The following GZMA variants were observed in gnomAD, a reference collection of about 807,000 sequenced individuals.
The protein encoded by GZMA is CTL tryptase.
A neutral mutation model predicts 21.1 loss-of-function variants in GZMA; 17 were observed. That is an observed-to-expected ratio of 0.81 (90% confidence interval 0.55 to 1.21). The LOEUF (loss-of-function observed/expected upper bound fraction) is 1.21. Among genes scored for constraint, GZMA ranks in the 50% most tolerant of loss-of-function variants. The pLI, the probability that GZMA is intolerant of heterozygous loss-of-function variation, is 0.00. For synonymous variants in GZMA, 90 were observed against 107.8 expected, an observed-to-expected ratio of 0.83 and a Z score of 1.03; for missense variants, 306 against 315.9, an observed-to-expected ratio of 0.97 and a Z score of 0.24.
In GZMA at chr5:55,108,154, T is replaced by C; in HGVS notation, c.387T>C (p.Tyr129=). The change falls in exon 4 of 5, where the codon TAT becomes TAC. Residue 129 remains tyrosine (Y), a synonymous_variant. Transcript: ENST00000274306. ...TGGAAAAAGCAAAAATTAACAAATA[T>C]GTGACTATCCTTCATCTACCTAAAA... ...QLMEKAKINK[Y]VTILHLPKKG... is the part of the protein sequence containing the mutation. 1.2e-6 allele frequency: 2 copies of C among 1,607,394 alleles called. No individual in the cohort carries two copies. Among genetic ancestry groups the C allele is most frequent in the African/African-American group, 1.3e-5 (1 of 74,894 alleles).
Position 55,102,708 on chromosome 5 carries a change from C to A in GZMA, c.26C>A (p.Ala9Glu). 1 of 1,609,432 alleles carries A rather than the reference C, an allele frequency of 6.2e-7. No individual in the cohort carries two copies. Among genetic ancestry groups the A allele is most frequent in the Non-Finnish European group, 8.5e-7 (1 of 1,175,720 alleles). ...ATGAGGAACTCCTATAGATTTCTGG[C>A]ATCCTCTCTCTCAGTTGTCGTTTCT... is the stretch of plus-strand genomic sequence containing the variant. Reference protein sequence around the residue: MRNSYRFLASSLSVVVSLL... With the variant: MRNSYRFLESSLSVVVSLL... The change falls in exon 1 of 5, where the codon GCA becomes GAA. Residue 9 changes from alanine (A) to glutamate (E), a missense_variant. Transcript: ENST00000274306.
chr5:55,105,260 G>A (rs974095186), intron 1 of GZMA, among the ~76,000 whole-genome samples: 9 of 152,134 alleles, frequency 5.9e-5, no homozygotes, highest in African/African-American at 1.9e-4. Flanking sequence ...CAATGGCCTC[G>A]CTTCTGTGGG....
chr5:55,108,059 GGA>G, intron 3 of GZMA, 64 bp from the exon 4 acceptor site: 1 of 1,417,668 alleles, frequency 7.1e-7, no homozygotes, highest in East Asian at 2.3e-5. Context: ...CTGAAATTTT[GGA>G]CTATAATTTA....
intron 2 of GZMA, 88 bp downstream of exon 2, chr5:55,105,706 C>A (rs945189526): frequency 8.6e-6 from 10 of 1,168,306 alleles, no homozygotes; most frequent in Non-Finnish European, 1.1e-5. Context: ...GGCACAGTGG[C>A]TTACACCTGT....
intron 4 of GZMA, 61 bp downstream of exon 4, chr5:55,108,455 G>A (rs921433403): frequency 1.5e-6 from 2 of 1,358,762 alleles, no homozygotes; most frequent in Admixed American, 3.7e-5. Context: ...CAGAGAAAAT[G>A]TAATGTCATG....
intron 1 of GZMA, among the ~76,000 whole-genome samples, chr5:55,103,187 G>A (rs76222737): frequency 4.5e-4 from 68 of 152,202 alleles, no homozygotes; most frequent in African/African-American, 1.4e-3. Context: ...TCTCTTGTTC[G>A]TAAAACAAAT....
At position 55,110,028 on chromosome 5, in the gene GZMA, C is replaced by A. The variant is rs911395370; in HGVS notation, c.635C>A (p.Ser212Tyr). 5 of 1,601,862 alleles carry A rather than the reference C, an allele frequency of 3.1e-6. No individual in the cohort carries two copies. Among genetic ancestry groups the A allele is most frequent in the South Asian group, 1.1e-5 (1 of 88,674 alleles). The change falls in exon 5 of 5, where the codon TCT becomes TAT. Residue 212 changes from serine (S) to tyrosine (Y), a missense_variant. By Grantham distance (144) the Ser-to-Tyr change is moderately radical. Coordinates refer to ENST00000274306, the MANE Select transcript of GZMA (RefSeq NM_006144.4). ...CCTCTTGTTTTCCTCCAGGGAGATT[C>A]TGGAAGCCCTTTGTTGTGCGAGGGT... ...RGGRDSCNGD[S>Y]GSPLLCEGVF...
chr5:55,107,753 C>A, intron 2 of GZMA, 41 bp from the exon 3 acceptor site: 2 of 1,568,994 alleles, frequency 1.3e-6, no homozygotes, highest in African/African-American at 1.4e-5. Context: ...ACTGCCAATA[C>A]AAAGAATAAA....
Position 55,107,775 on chromosome 5 carries a change from ATGT to A in GZMA, c.216-15_216-13del, listed in dbSNP as rs774869229. The A allele has an allele frequency of 2.5e-6, 4 of 1,604,854 alleles. No individual in the cohort carries two copies. The South Asian group carries it at 3.3e-5, about 13-fold the overall frequency. ...ATACAAAGAATAAATCCAGTAAATA[ATGT>A]TGTGTCTGTTCTCAGGAACAAAAGG... is the stretch of plus-strand genomic sequence containing the variant. On this transcript the variant is annotated splice_polypyrimidine_tract_variant and intron_variant, in intron 2 of 4. Coordinates refer to ENST00000274306, the MANE Select transcript of GZMA (RefSeq NM_006144.4).
rs1173037358 is a variant in GZMA, at chr5:55,110,126, C to T, written c.733C>T (p.Leu245Phe). ...GDPRGPGVYI[L>F]LSKKHLNWII... ...CCCTCGTGGGCCTGGTGTCTATATTCTTCTCTCAAAGAAACACCTCAACTG... is the reference window on the plus strand; with the variant it reads ...CCCTCGTGGGCCTGGTGTCTATATTTTTCTCTCAAAGAAACACCTCAACTG... The change falls in exon 5 of 5, where the codon CTT (leucine) becomes TTT (phenylalanine). Residue 245 changes from leucine to phenylalanine, a missense_variant. Leu to Phe is a conservative substitution (Grantham distance 22). Coordinates refer to ENST00000274306, the MANE Select transcript of GZMA (RefSeq NM_006144.4). 4.3e-6 allele frequency: 7 copies of T among 1,611,754 alleles called. No individual in the cohort carries two copies. Among genetic ancestry groups the T allele is most frequent in the Admixed American group, 3.3e-5 (2 of 59,844 alleles).
chr5:55,109,260 C>T (rs1742463760), intron 4 of GZMA, among the ~76,000 whole-genome samples: 1 of 152,180 alleles, frequency 6.6e-6, no homozygotes, highest in African/African-American at 2.4e-5. Context: ...CCTAGTTCCC[C>T]CATTCCCTCC....
Position 55,107,403 on chromosome 5 carries a change from G to T in GZMA, c.216-391G>T, listed in dbSNP as rs547588299. Reference sequence around the variant, plus strand: ...TCAGTGCATTACTTTACAACTATTGGCTGCTTTTTGCTTCTGTCTCTGGAC... The same window carrying T: ...TCAGTGCATTACTTTACAACTATTGTCTGCTTTTTGCTTCTGTCTCTGGAC... On this transcript the variant is annotated intron_variant, in intron 2 of 4. Transcript: ENST00000274306. Among the ~76,000 whole-genome samples, 3 of 152,212 alleles carry T rather than the reference G, an allele frequency of 2.0e-5. No individual in the cohort carries two copies. In the East Asian group the frequency reaches 5.8e-4, roughly 29 times the overall value.
intron 2 of GZMA, among the ~76,000 whole-genome samples, chr5:55,106,684 A>C (rs1222910448): frequency 1.3e-5 from 2 of 151,904 alleles, no homozygotes; most frequent in East Asian, 1.9e-4. Context: ...GCCTCCGTGA[A>C]TTCCTCTCAC....
Position 55,110,118 on chromosome 5 carries a change from T to C in GZMA, c.725T>C (p.Val242Ala), listed in dbSNP as rs774365303. The stretch of plus-strand genomic sequence containing the variant: ...TGCGGAGACCCTCGTGGGCCTGGTG[T>C]CTATATTCTTCTCTCAAAGAAACAC... The part of the protein sequence containing the change: ...NKCGDPRGPG[V>A]YILLSKKHLN... Residue 242 changes from valine (V) to alanine (A), a missense_variant, in exon 5 of 5, where the codon GTC becomes GCC. Coordinates refer to ENST00000274306, the MANE Select transcript of GZMA (RefSeq NM_006144.4). 34 of 1,611,972 alleles carry C rather than the reference T, an allele frequency of 2.1e-5. No homozygotes were observed. In the East Asian group the frequency reaches 7.6e-4, roughly 36 times the overall value.
rs764180233 is a variant in GZMA at position 55,108,381 on chromosome 5, G to T, written c.614G>T (p.Arg205Ile). 3.1e-6 allele frequency: 5 copies of T among 1,612,106 alleles called. No homozygotes were observed. Among genetic ancestry groups the T allele is most frequent in the Non-Finnish European group, 4.2e-6 (5 of 1,178,390 alleles). Residue 205 changes from arginine (R) to isoleucine (I), a missense_variant, in exon 4 of 5, where the codon AGA becomes ATA. Transcript: ENST00000274306. Reference protein sequence around the residue: ...MVCAGSLRGGRDSCNGDSGSP... With the variant: ...MVCAGSLRGGIDSCNGDSGSP... ...TGTGCTGGAAGCCTCCGAGGTGGAA[G>T]AGACTCGTGCAATGTAAGTAAAATA...
chr5:55,108,470 G>A (rs2111766055), intron 4 of GZMA, 76 bp downstream of exon 4: 1 of 1,239,860 alleles, frequency 8.1e-7, no homozygotes, highest in Non-Finnish European at 1.2e-6. Context: ...GTCATGCTTT[G>A]TTTTGTCATG....
At chr5:55,105,009 G>A (rs764408177) in intron 1 of GZMA, among the ~76,000 whole-genome samples, 5 of 152,134 alleles carry the variant, frequency 3.3e-5, no homozygotes, top group African/African-American at 1.2e-4. Context: ...TGCTAATATC[G>A]GTTCATAAGC....
At chr5:55,105,822 A>T (rs1742377680) in intron 2 of GZMA, among the ~76,000 whole-genome samples, 1 of 151,722 alleles carries the variant, frequency 6.6e-6, no homozygotes, top group African/African-American at 2.4e-5. Flanking sequence ...AAAATACAAA[A>T]TTAGCCAGGC....
In GZMA at chr5:55,107,822, G is replaced by A; in HGVS notation, c.244G>A (p.Ala82Thr). ...CAAAAGGTCCCAGGTCATTCTTGGG[G>A]CTCACTCAATAACCAGGGAAGAGCC... The part of the protein sequence containing the change: ...LNKRSQVILG[A>T]HSITREEPTK... The change falls in exon 3 of 5, where the codon GCT (alanine) becomes ACT (threonine). Residue 82 changes from alanine (A) to threonine (T), a missense_variant. By Grantham distance (58) the Ala-to-Thr change is moderately conservative. Transcript: ENST00000274306. 1 of 1,612,762 alleles carries A rather than the reference G, an allele frequency of 6.2e-7. No homozygotes were observed. Among genetic ancestry groups the A allele is most frequent in the Non-Finnish European group, 8.5e-7 (1 of 1,178,862 alleles).
Sources: gnomAD v4.1 joint callset for allele counts (sites outside exome capture counted in the v4.1 genomes callset) on GRCh38, gnomAD v4.1.1 for gene constraint, MANE v1.5 for transcripts, NCBI Gene and HGNC (gene_info 2026-07-23, HGNC 2026-07-21) for gene names.